HECTD3: variants seen among roughly 807,000 people sequenced by gnomAD.
The protein encoded by HECTD3 is E3 ubiquitin-protein ligase HECTD3.
Under a neutral mutation model 109.3 loss-of-function variants are expected in HECTD3, and 72 were observed. That is an observed-to-expected ratio of 0.66 (90% CI 0.54 to 0.80). The LOEUF (loss-of-function observed/expected upper bound fraction) is 0.80, where lower values mean the gene tolerates loss of function less well. HECTD3 is among the 30% of genes least tolerant of loss of function. The pLI, the probability that HECTD3 is intolerant of heterozygous loss-of-function variation, is 0.00. For missense variants in HECTD3, 1,041 were observed against 1,165.2 expected (o/e 0.89, Z 1.55); for synonymous variants, 481 against 471.8 (o/e 1.02, Z -0.25).
chr1:45,010,123 T>C lies in HECTD3; in HGVS notation c.624-2A>G. Reference sequence around the variant, plus strand: ...TAGGTCCATGTCGGGGGTACATAGCTAAGCAACCCCAAGCCCCTAATTAGA... The same window carrying C: ...TAGGTCCATGTCGGGGGTACATAGCCAAGCAACCCCAAGCCCCTAATTAGA... On this transcript the variant is annotated splice_acceptor_variant, in intron 3 of 20. Coordinates refer to ENST00000372172, the MANE Select transcript of HECTD3 (RefSeq NM_024602.6). LOFTEE classifies it high-confidence loss of function. 1 of 1,611,716 alleles carries C rather than the reference T, an allele frequency of 6.2e-7. No homozygotes were observed. Among genetic ancestry groups the C allele is most frequent in the Non-Finnish European group, 8.5e-7 (1 of 1,178,124 alleles).
Position 45,006,094 on chromosome 1 carries a change from C to G in HECTD3, c.1748G>C (p.Arg583Pro). 1 of 1,614,048 alleles carries G rather than the reference C, an allele frequency of 6.2e-7. No homozygotes were observed. Among genetic ancestry groups the G allele is most frequent in the Non-Finnish European group, 8.5e-7 (1 of 1,179,946 alleles). ...ANQGNGTGEA[R>P]DMYVPNPSCR... ...GGAGGGGTTGGGTACATACATGTCC[C>G]GAGCCTCACCAGTGCCATTGCCCTG... The change falls in exon 14 of 21, where the codon CGG becomes CCG. Residue 583 changes from arginine (R) to proline (P), a missense_variant. Coordinates refer to ENST00000372172, the MANE Select transcript of HECTD3 (RefSeq NM_024602.6). This position sits in a 1 kb window ranked among gnomAD's most constrained non-coding sequence, Gnocchi z 4.7.
In HECTD3 at chr1:45,006,970, T is replaced by G; in HGVS notation, c.1602A>C (p.Ala534=). 1 of 1,614,150 alleles carries G rather than the reference T, an allele frequency of 6.2e-7. No individual in the cohort carries two copies. The highest frequency in any genetic ancestry group is 8.5e-7 in the Non-Finnish European group (1 of 1,180,032). ...CCTCACCTTGGTCAATGATGCCTTCTGCAATAAATTTACACTCCCACCACT... is the reference window on the plus strand; with the variant it reads ...CCTCACCTTGGTCAATGATGCCTTCGGCAATAAATTTACACTCCCACCACT... ...YDQWWECKFI[A]EGIIDQGGGF... The change falls in exon 12 of 21, where the codon GCA becomes GCC. Residue 534 remains alanine (A), a synonymous_variant. Coordinates refer to ENST00000372172, the MANE Select transcript of HECTD3 (RefSeq NM_024602.6). This position sits in a 1 kb window ranked among gnomAD's most constrained non-coding sequence, Gnocchi z 4.7.
intron 1 of HECTD3, 60 bp downstream of exon 1, chr1:45,010,829 G>C (rs1256676413): frequency 3.3e-6 from 5 of 1,505,458 alleles, no homozygotes; most frequent in Non-Finnish European, 4.4e-6. Context: ...AAGGCAAACA[G>C]CCAGAGGTTT....
Position 45,006,263 on chromosome 1 carries a change from C to T in HECTD3, c.1726-147G>A. On this transcript the variant is annotated intron_variant, in intron 13 of 20. Coordinates refer to ENST00000372172, the MANE Select transcript of HECTD3 (RefSeq NM_024602.6). This position sits in a 1 kb window ranked among gnomAD's most constrained non-coding sequence, Gnocchi z 4.7. ...GTGGCTCCTCCTCTCCCTGTCTGCC[C>T]AGAGGTTGCCCTGAGCAACTCAGTC... is the stretch of plus-strand genomic sequence containing the variant. The T allele has an allele frequency of 9.5e-7, 1 of 1,057,224 alleles. No homozygotes were observed. The highest frequency in any genetic ancestry group is 1.4e-6 in the Non-Finnish European group (1 of 725,860). The allele number at this position is 1,057,224 out of a possible 1,614,324, so 65.5% of individuals were successfully genotyped here.
In HECTD3 at chr1:45,009,239, G is replaced by C. The variant is rs1644762407; in HGVS notation, c.990-13C>G. On this transcript the variant is annotated splice_polypyrimidine_tract_variant and intron_variant, in intron 6 of 20. Transcript: ENST00000372172. ...CCCGATGAGGGTCCTGAGGAGATGA[G>C]TGTGAAGCACTTCAGATACCTCCTG... 1 of 1,606,816 alleles carries C rather than the reference G, an allele frequency of 6.2e-7. No homozygotes were observed. Among genetic ancestry groups the C allele is most frequent in the Admixed American group, 1.7e-5 (1 of 59,988 alleles).
At position 45,006,277 on chromosome 1, in the gene HECTD3, A is replaced by G; in HGVS notation, c.1726-161T>C. On this transcript the variant is annotated intron_variant, in intron 13 of 20. Transcript: ENST00000372172. The surrounding 1 kb of genome is among the most constrained non-coding windows in gnomAD (Gnocchi z 4.7). ...CCCTGTCTGCCCAGAGGTTGCCCTG[A>G]GCAACTCAGTCCCTCCTCTGCCCTA... is the stretch of plus-strand genomic sequence containing the variant. 1.2e-6 allele frequency: 1 copy of G among 810,438 alleles called. No homozygotes were observed. Among genetic ancestry groups the G allele is most frequent in the Non-Finnish European group, 1.9e-6 (1 of 516,648 alleles). 50.2% of individuals were successfully genotyped at this position (810,438 alleles called of 1,614,324 possible). A position where few individuals can be genotyped will look rare whatever the true frequency, so the allele number is the denominator to read the frequency against.
intron 2 of HECTD3, 27 bp downstream of exon 2, chr1:45,010,519 C>T: frequency 6.2e-7 from 1 of 1,612,530 alleles, no homozygotes; most frequent in Non-Finnish European, 8.5e-7. Context: ...CTTCTGACAG[C>T]CAGCCCCGCT....
chr1:45,008,387 C>T (rs1225130394), intron 8 of HECTD3, 66 bp from the exon 9 acceptor site: 1 of 1,510,074 alleles, frequency 6.6e-7, no homozygotes, highest in African/African-American at 1.4e-5. Context: ...AACTCCCCAA[C>T]ATAAAGGGAC....
chr1:45,009,539 C>T (rs1287012858), intron 5 of HECTD3, 29 bp downstream of exon 5: 1 of 1,601,876 alleles, frequency 6.2e-7, no homozygotes, highest in African/African-American at 1.3e-5. Context: ...CATAGCCCAC[C>T]CACCCTGTCC....
chr1:45,009,527 G>C, intron 5 of HECTD3, 41 bp downstream of exon 5: 3 of 1,605,952 alleles, frequency 1.9e-6, no homozygotes, highest in Non-Finnish European at 2.6e-6. Context: ...AACCCACAGG[G>C]ACATAGCCCA....
In HECTD3 at chr1:45,009,467, T is replaced by C. The variant is rs772138066; in HGVS notation, c.891A>G (p.Thr297=). 1 of 1,614,016 alleles carries C rather than the reference T, an allele frequency of 6.2e-7. No homozygotes were observed. The highest frequency in any genetic ancestry group is 2.2e-5 in the East Asian group (1 of 44,882). Residue 297 remains threonine, a synonymous_variant, in exon 6 of 21, where the codon ACA becomes ACG. Coordinates refer to ENST00000372172, the MANE Select transcript of HECTD3 (RefSeq NM_024602.6). ...TAAAGTTGTCATCTGTGGTATCCACTGTGAGTAGCAGCTTCCTGAAGGGTC... is the reference window on the plus strand; with the variant it reads ...TAAAGTTGTCATCTGTGGTATCCACCGTGAGTAGCAGCTTCCTGAAGGGTC... ...KGTIVKKLLL[T]VDTTDDNFMP... is the part of the protein sequence containing the mutation.
rs144329171 is a variant in HECTD3 at position 45,006,308 on chromosome 1, ATTTTT to A, written c.1726-197_1726-193del. Reference sequence around the variant, plus strand: ...TCAGTCCCTCCTCTGCCCTATTTCTATTTTTTTTTTTTTTTGAGACAGAGTCTCAC... The same window carrying A: ...TCAGTCCCTCCTCTGCCCTATTTCTATTTTTTTTTTGAGACAGAGTCTCAC... On this transcript the variant is annotated intron_variant, in intron 13 of 20. Coordinates refer to ENST00000372172, the MANE Select transcript of HECTD3 (RefSeq NM_024602.6). This position sits in a 1 kb window ranked among gnomAD's most constrained non-coding sequence, Gnocchi z 4.7. The A allele has an allele frequency of 4.7e-6, 2 of 423,676 alleles. No homozygotes were observed. Among genetic ancestry groups the A allele is most frequent in the Non-Finnish European group, 8.3e-6 (2 of 241,962 alleles). 26.2% of individuals were successfully genotyped at this position (423,676 alleles called of 1,614,324 possible).
At position 45,011,016 on chromosome 1, in the gene HECTD3, G is replaced by T. The variant is rs1422575204; in HGVS notation, c.242C>A (p.Ala81Asp). ...LGLRVGAAGP[A>D]PGTGSGPLRA... ...GAGGGGCCCGGAGCCGGTACCGGGG[G>T]CTGGGCCTGCGGCGCCCACACGCAG... The change falls in exon 1 of 21, where the codon GCC (alanine) becomes GAC (aspartate). Residue 81 changes from alanine (A) to aspartate (D), a missense_variant. By Grantham distance (126) the Ala-to-Asp change is moderately radical. This residue lies in a region of HECTD3 where 472 missense variants were observed against 449.9 expected (regional missense o/e 1.05). Transcript: ENST00000372172. 2.1e-6 allele frequency: 3 copies of T among 1,431,554 alleles called. No homozygotes were observed. The highest frequency in any genetic ancestry group is 1.8e-6 in the Non-Finnish European group (2 of 1,101,644). 88.7% of individuals were successfully genotyped at this position (1,431,554 alleles called of 1,614,324 possible).
Position 45,003,836 on chromosome 1 carries a change from G to A in HECTD3, c.2429+19C>T. On this transcript the variant is annotated intron_variant, in intron 19 of 20. Coordinates refer to ENST00000372172, the MANE Select transcript of HECTD3 (RefSeq NM_024602.6). This position sits in a 1 kb window ranked among gnomAD's most constrained non-coding sequence, Gnocchi z 4.7. ...CAGAAGGCGGCCATGGCACCTTCAG[G>A]CCTCCCTCCAGCACTCACCCCAGCT... The A allele has an allele frequency of 6.2e-7, 1 of 1,612,322 alleles. No individual in the cohort carries two copies.
In HECTD3 at chr1:45,008,697, A is replaced by G; in HGVS notation, c.1077T>C (p.Asp359=). Residue 359 remains aspartate (D), a synonymous_variant, in exon 8 of 21, where the codon GAT becomes GAC. Coordinates refer to ENST00000372172, the MANE Select transcript of HECTD3 (RefSeq NM_024602.6). ...CCCCTCGGAGACGAACATCAATCCC[A>G]TCATCTGGGGGAAGGGGTCAGAGTA... ...IEIRIVECRD[D]GIDVRLRGVK... The G allele has an allele frequency of 6.2e-7, 1 of 1,612,942 alleles. No homozygotes were observed. Among genetic ancestry groups the G allele is most frequent in the Non-Finnish European group, 8.5e-7 (1 of 1,179,656 alleles).
Position 45,006,745 on chromosome 1 carries a change from T to C in HECTD3, c.1672A>G (p.Ser558Gly). 6.2e-7 allele frequency: 1 copy of C among 1,613,826 alleles called. No individual in the cohort carries two copies. Among genetic ancestry groups the C allele is most frequent in the East Asian group, 2.2e-5 (1 of 44,876 alleles). ...AGGGGCACGGGGGTATCCGCTGAGCTAGGGCACAGCTCTTCTGACATATCT... is the reference window on the plus strand; with the variant it reads ...AGGGGCACGGGGGTATCCGCTGAGCCAGGGCACAGCTCTTCTGACATATCT... ...LADMSEELCP[S>G]SADTPVPLPF... Residue 558 changes from serine to glycine, a missense_variant, in exon 13 of 21, where the codon AGC becomes GGC. Transcript: ENST00000372172. This position sits in a 1 kb window ranked among gnomAD's most constrained non-coding sequence, Gnocchi z 4.7.
chr1:45,010,305 G>T lies in HECTD3; in HGVS notation c.531-12C>A. On this transcript the variant is annotated splice_polypyrimidine_tract_variant and intron_variant, in intron 2 of 20. Transcript: ENST00000372172. ...CCACCTGTTCCCACCTGTGGGCACAGAGTAGGGAGTGGGATGGGGAGACAT... is the reference window on the plus strand; with the variant it reads ...CCACCTGTTCCCACCTGTGGGCACATAGTAGGGAGTGGGATGGGGAGACAT... The T allele has an allele frequency of 6.2e-7, 1 of 1,612,606 alleles. No homozygotes were observed. The highest frequency in any genetic ancestry group is 1.1e-5 in the South Asian group (1 of 91,034).
At chr1:45,008,933 C>T (rs1644759123) in intron 7 of HECTD3, among the ~76,000 whole-genome samples, 2 of 152,276 alleles carry the variant, frequency 1.3e-5, no homozygotes, top group South Asian at 4.1e-4. Context: ...GTTCCTCTTC[C>T]AGGTGAGCCC....
rs1644730442 is a variant in HECTD3 at position 45,005,819 on chromosome 1, T to G, written c.1910A>C (p.Asp637Ala). 2 of 1,605,636 alleles carry G rather than the reference T, an allele frequency of 1.2e-6. No homozygotes were observed. The highest frequency in any genetic ancestry group is 1.3e-5 in the African/African-American group (1 of 74,748). Residue 637 changes from aspartate (D) to alanine (A), a missense_variant, in exon 15 of 21, where the codon GAC (aspartate) becomes GCC (alanine). Asp to Ala is a moderately radical substitution (Grantham distance 126). Coordinates refer to ENST00000372172, the MANE Select transcript of HECTD3 (RefSeq NM_024602.6). ...CAGCACAGAGTCCACAGCTGGGAAG[T>G]CCTTGCTCCAGCTCACCTCCTCACC... ...LSGEEVSWSK[D>A]FPAVDSVLVK...
Sources: allele counts gnomAD v4.1 joint callset (sites outside exome capture counted in the v4.1 genomes callset), GRCh38; gene constraint gnomAD v4.1.1; regional missense constraint gnomAD v4.1.1; non-coding constraint Gnocchi (gnomAD v3.1); transcripts MANE v1.5; gene names NCBI Gene and HGNC (gene_info 2026-07-23, HGNC 2026-07-21).